CYP20A1: variants seen among roughly 807,000 people sequenced by gnomAD.
CYP20A1 encodes cytochrome P450 family 20 subfamily A member 1.
CYP20A1 carries 61 observed loss-of-function variants against 61.4 expected under a neutral mutation model. That is an observed-to-expected ratio of 0.99 (90% confidence interval 0.81 to 1.23). CYP20A1 has a LOEUF of 1.23. Ranked by LOEUF, CYP20A1 falls within the 50% of genes most tolerant of loss-of-function variation. CYP20A1 has a pLI of 0.00. For missense variants in CYP20A1, 530 were observed against 542.4 expected (o/e 0.98, Z 0.23); for synonymous variants, 193 against 188.2 (o/e 1.03, Z -0.21).
intron 4 of CYP20A1, among the ~76,000 whole-genome samples, chr2:203,264,493 T>A (rs2067252303): frequency 6.6e-6 from 1 of 152,114 alleles, no homozygotes; most frequent in African/African-American, 2.4e-5. Flanking sequence ...TTTATTGTTT[T>A]TCATTATTTT....
intron 11 of CYP20A1, 38 bp from the exon 12 acceptor site, chr2:203,296,436 G>A (rs991350279): frequency 3.1e-6 from 4 of 1,276,998 alleles, no homozygotes; most frequent in South Asian, 1.3e-5. Context: ...AGATGCCAGT[G>A]GAGCTATATT....
chr2:203,285,727 G>A lies in CYP20A1; in HGVS notation c.966G>A (p.Gln322=), dbSNP rs376234967. Residue 322 remains glutamine (Q), a synonymous_variant, in exon 9 of 13, where the codon CAG becomes CAA. Coordinates refer to ENST00000356079, the MANE Select transcript of CYP20A1 (RefSeq NM_177538.3). ...CTGTTACTCCAGAGAAAATTGAGCA[G>A]CTCAGGTAAGAACACAATAAAAAGA... ...NGPVTPEKIE[Q]LRYCQHVLCE... The A allele has an allele frequency of 1.9e-6, 3 of 1,583,502 alleles. No individual in the cohort carries two copies. The African/African-American group carries it at 4.1e-5, about 22-fold the overall frequency.
chr2:203,279,524 G>A (rs1330310659), intron 7 of CYP20A1, among the ~76,000 whole-genome samples: 1 of 152,122 alleles, frequency 6.6e-6, no homozygotes, highest in Non-Finnish European at 1.5e-5. Context: ...AGTGAGGTGA[G>A]TTGTTATTGC....
At chr2:203,251,813 A>ATGTG (rs1234203435) in intron 3 of CYP20A1, among the ~76,000 whole-genome samples, 154 bp from the exon 4 acceptor site, 1 of 106,092 alleles carries the variant, frequency 9.4e-6, no homozygotes, top group Non-Finnish European at 2.1e-5. Context: ...ATATATATAT[A>ATGTG]TATAAAAAAT....
chr2:203,251,817 A>ATATATATGTGTAT (rs34111991), intron 3 of CYP20A1, 150 bp from the exon 4 acceptor site: 1 of 95,276 alleles, frequency 1.0e-5, no homozygotes, highest in Non-Finnish European at 2.2e-5. Context: ...ATATATATAT[A>ATATATATGTGTAT]AAAAATAAAA....
rs565254910 is a variant in CYP20A1 at position 203,260,704 on chromosome 2, G to A, written c.433-5810G>A. Among the ~76,000 whole-genome samples the A allele has an allele frequency of 2.0e-5, 3 of 151,998 alleles. No individual in the cohort carries two copies. In the South Asian group the frequency reaches 6.2e-4, roughly 32 times the overall value. On this transcript the variant is annotated intron_variant, in intron 4 of 12. Transcript: ENST00000356079. The stretch of plus-strand genomic sequence containing the variant: ...CAGCTAATTTTTAAATTTTGTTTTT[G>A]GTAGAGAGAGGGTCTCATTTTGTTG...
chr2:203,251,994 CATT>C lies in CYP20A1; in HGVS notation c.322_324del (p.Leu108del), dbSNP rs761330617. 1.9e-6 allele frequency: 3 copies of C among 1,603,550 alleles called. No homozygotes were observed. Among genetic ancestry groups the C allele is most frequent in the South Asian group, 2.2e-5 (2 of 89,708 alleles). ...GACCCTTTTGAAACCATGCTGAAGT[CATT>C]ATTAAGGTATCAATCTGGTGGTGGC... is the stretch of plus-strand genomic sequence containing the variant. On this transcript the variant is annotated inframe_deletion, in exon 4 of 13. Coordinates refer to ENST00000356079, the MANE Select transcript of CYP20A1 (RefSeq NM_177538.3).
chr2:203,245,626 A>G (rs953687254), intron 1 of CYP20A1, among the ~76,000 whole-genome samples: 3 of 152,140 alleles, frequency 2.0e-5, no homozygotes, highest in African/African-American at 7.2e-5. Flanking sequence ...AGTTTGCTAA[A>G]GAAAATGGCC....
At chr2:203,265,611 A>G (rs1333899764) in intron 4 of CYP20A1, among the ~76,000 whole-genome samples, 1 of 152,098 alleles carries the variant, frequency 6.6e-6, no homozygotes, top group Admixed American at 6.6e-5. Flanking sequence ...AAGATAAGGG[A>G]TTTTGATTCT....
Position 203,302,986 on chromosome 2 carries a change from C to T in CYP20A1, c.*6078C>T, listed in dbSNP as rs532304666. Among the ~76,000 whole-genome samples, 8 of 151,694 alleles carry T rather than the reference C, an allele frequency of 5.3e-5. No individual in the cohort carries two copies. The highest frequency in any genetic ancestry group is 1.9e-4 in the East Asian group (1 of 5,156). On this transcript the variant is annotated 3_prime_UTR_variant, in exon 13 of 13. Transcript: ENST00000356079. ...GATTACAAGCATGAGCCACCGCGCT[C>T]GGTCCCTTTCTTTTTATTTATTTAT... is the stretch of plus-strand genomic sequence containing the variant.
Position 203,245,892 on chromosome 2 carries a change from A to C in CYP20A1, c.119A>C (p.Glu40Ala), listed in dbSNP as rs1159705696. ...ATTCCAGGGATTACTCCAACTGAAG[A>C]AAAGTGAGTAATTATTTTCTTGGAA... Reference protein sequence around the residue: ...AGIPGITPTEEKDGNLPDIVN... With the variant: ...AGIPGITPTEAKDGNLPDIVN... Residue 40 changes from glutamate (E) to alanine (A), a missense_variant, in exon 2 of 13, where the codon GAA becomes GCA. Physicochemically the swap from Glu to Ala is moderately radical, Grantham distance 107. Transcript: ENST00000356079. 5 of 1,586,790 alleles carry C rather than the reference A, an allele frequency of 3.2e-6. No homozygotes were observed. The highest frequency in any genetic ancestry group is 4.3e-6 in the Non-Finnish European group (5 of 1,159,144).
chr2:203,283,584 CTG>C (rs1035708905), intron 8 of CYP20A1, among the ~76,000 whole-genome samples: 2 of 131,726 alleles, frequency 1.5e-5, no homozygotes, highest in Non-Finnish European at 3.2e-5. Flanking sequence ...GAGTCTTGCT[CTG>C]TCACCAGGCT....
intron 6 of CYP20A1, among the ~76,000 whole-genome samples, chr2:203,276,287 C>G (rs1384575485): frequency 6.6e-6 from 1 of 152,152 alleles, no homozygotes; most frequent in Non-Finnish European, 1.5e-5. Context: ...GTATGGCTTA[C>G]AGACCATTGT....
intron 1 of CYP20A1, among the ~76,000 whole-genome samples, chr2:203,241,316 TGAG>T (rs1392722191): frequency 6.6e-6 from 1 of 152,102 alleles, no homozygotes; most frequent in Non-Finnish European, 1.5e-5. Context: ...GTGGAGATGT[TGAG>T]GAGTAACTGA....
intron 10 of CYP20A1, among the ~76,000 whole-genome samples, chr2:203,290,905 C>T (rs189602225): frequency 1.3e-5 from 2 of 152,192 alleles, no homozygotes; most frequent in African/African-American, 4.8e-5. Context: ...CACCTCTCAA[C>T]ATGCTGGGAT....
At chr2:203,289,731 A>C in intron 9 of CYP20A1, 34 bp from the exon 10 acceptor site, 1 of 1,288,628 alleles carries the variant, frequency 7.8e-7, no homozygotes, top group Non-Finnish European at 1.1e-6. Flanking sequence ...GCCTCCCAAA[A>C]TAAACATCTT....
intron 6 of CYP20A1, among the ~76,000 whole-genome samples, chr2:203,274,674 A>G (rs2067740637): frequency 1.3e-5 from 2 of 152,170 alleles, no homozygotes; most frequent in South Asian, 4.1e-4. Context: ...TGTGCACAGG[A>G]GACAAAAATC....
At chr2:203,241,361 G>A (rs1322606325) in intron 1 of CYP20A1, among the ~76,000 whole-genome samples, 2 of 152,152 alleles carry the variant, frequency 1.3e-5, no homozygotes, top group African/African-American at 4.8e-5. Context: ...GAAAAGTCCA[G>A]GCTGAAGATA....
chr2:203,293,214 CTCT>C (rs1338720005), intron 11 of CYP20A1, among the ~76,000 whole-genome samples: 2 of 128,904 alleles, frequency 1.6e-5, no homozygotes, highest in Admixed American at 8.3e-5. Context: ...GAATTTCTCT[CTCT>C]TTTTTTTTTT....
Sources: gnomAD v4.1 joint callset for allele counts (sites outside exome capture counted in the v4.1 genomes callset) on GRCh38, gnomAD v4.1.1 for gene constraint, MANE v1.5 for transcripts, NCBI Gene and HGNC (gene_info 2026-07-23, HGNC 2026-07-21) for gene names.